NDST4: variants seen among roughly 807,000 people sequenced by gnomAD.
NDST4 encodes N-deacetylase and N-sulfotransferase 4.
Under a neutral mutation model 100.8 loss-of-function variants are expected in NDST4, and 63 were observed. The observed-to-expected ratio is 0.62, with a 90% CI of 0.51 to 0.77. The LOEUF (loss-of-function observed/expected upper bound fraction) is 0.77, where lower values mean the gene tolerates loss of function less well. Ranked by LOEUF, NDST4 falls within the 30% of genes least tolerant of loss-of-function variation. The pLI is 0.00. For missense variants in NDST4, 943 were observed against 1,018.4 expected (o/e 0.93, Z 1.01); for synonymous variants, 377 against 361.8 (o/e 1.04, Z -0.48).
At chr4:115,103,988 T>C (rs1211279535) in intron 1 of NDST4, among the ~76,000 whole-genome samples, 1 of 152,182 alleles carries the variant, frequency 6.6e-6, no homozygotes, top group Non-Finnish European at 1.5e-5. Flanking sequence ...TAGTTACTTA[T>C]GGATCCTTTA....
chr4:115,112,495 A>G (rs1729975117), intron 1 of NDST4, among the ~76,000 whole-genome samples: 1 of 151,964 alleles, frequency 6.6e-6, no homozygotes, highest in Non-Finnish European at 1.5e-5. Flanking sequence ...TGAGTTTGAA[A>G]GAGACATGAT....
chr4:114,948,288 A>T (rs1435494845), intron 4 of NDST4, among the ~76,000 whole-genome samples: 1 of 149,856 alleles, frequency 6.7e-6, no homozygotes. Flanking sequence ...CCACCCCCCA[A>T]ATACAACGTG....
At chr4:114,859,769 C>T (rs1346673301) in intron 7 of NDST4, among the ~76,000 whole-genome samples, 1 of 152,222 alleles carries the variant, frequency 6.6e-6, no homozygotes, top group Non-Finnish European at 1.5e-5. Context: ...AGTTCTCTCC[C>T]TGCAGATCAG....
chr4:114,947,759 T>C (rs1441779605), intron 4 of NDST4, among the ~76,000 whole-genome samples: 1 of 151,828 alleles, frequency 6.6e-6, no homozygotes, highest in Non-Finnish European at 1.5e-5. Context: ...AAGTAACGAC[T>C]ACATGTAAAT....
intron 6 of NDST4, among the ~76,000 whole-genome samples, chr4:114,912,238 G>A (rs1007948618): frequency 1.3e-5 from 2 of 152,094 alleles, no homozygotes; most frequent in African/African-American, 4.8e-5. Flanking sequence ...TTCTTATAAA[G>A]TCTCTGACAC....
chr4:114,959,011 T>C (rs1726201540), intron 4 of NDST4, among the ~76,000 whole-genome samples: 2 of 152,096 alleles, frequency 1.3e-5, no homozygotes, highest in South Asian at 2.1e-4. Context: ...AGTTCAATGT[T>C]CCACAGATCT....
intron 2 of NDST4, among the ~76,000 whole-genome samples, chr4:114,988,423 G>T: frequency 7.2e-6 from 1 of 139,210 alleles, no homozygotes; most frequent in Non-Finnish European, 1.5e-5. Flanking sequence ...GTGCAGTGGC[G>T]CAATCTTGGC....
At chr4:114,898,326 G>A (rs1724761525) in intron 6 of NDST4, among the ~76,000 whole-genome samples, 1 of 151,874 alleles carries the variant, frequency 6.6e-6, no homozygotes, top group African/African-American at 2.4e-5. Context: ...TTTTTTCAAT[G>A]TTTTGCCTTT....
At chr4:115,033,892 G>A (rs1327219724) in intron 2 of NDST4, among the ~76,000 whole-genome samples, 1 of 152,056 alleles carries the variant, frequency 6.6e-6, no homozygotes, top group Non-Finnish European at 1.5e-5. Flanking sequence ...TTACTTAAAA[G>A]TTTTGACAGT....
intron 2 of NDST4, among the ~76,000 whole-genome samples, chr4:115,003,663 T>G (rs2620420): frequency 0.34 from 52,059 of 151,786 alleles, 9,042 homozygotes; most frequent in South Asian, 0.49. Context: ...GTCAGGAGTT[T>G]GAGGCCAGCC....
At chr4:114,863,541 C>T (rs919289277) in intron 7 of NDST4, among the ~76,000 whole-genome samples, 1 of 152,210 alleles carries the variant, frequency 6.6e-6, no homozygotes, top group African/African-American at 2.4e-5. Context: ...AATTAGAAAG[C>T]AATTATTTCC....
chr4:114,996,197 CT>C (rs1386568780), intron 2 of NDST4, among the ~76,000 whole-genome samples: 5 of 152,096 alleles, frequency 3.3e-5, no homozygotes, highest in African/African-American at 1.2e-4. Flanking sequence ...GCAGTTTCCC[CT>C]ATGCCGTTCT....
chr4:115,022,720 T>A (rs1017006139), intron 2 of NDST4, among the ~76,000 whole-genome samples: 1 of 152,082 alleles, frequency 6.6e-6, no homozygotes, highest in African/African-American at 2.4e-5. Flanking sequence ...AGGAACCCAG[T>A]GGGAGGTGAT....
At chr4:115,010,706 A>ATTAAGAAAGAGTTTTT in intron 2 of NDST4, among the ~76,000 whole-genome samples, 1 of 67,174 alleles carries the variant, frequency 1.5e-5, no homozygotes. Flanking sequence ...AAGAATACAT[A>ATTAAGAAAGAGTTTTT]TATGGCTCTT....
At chr4:115,021,096 A>C (rs1727801875) in intron 2 of NDST4, among the ~76,000 whole-genome samples, 1 of 152,216 alleles carries the variant, frequency 6.6e-6, no homozygotes, top group South Asian at 2.1e-4. Flanking sequence ...TTATACAAAA[A>C]AAGATATTGC....
intron 4 of NDST4, among the ~76,000 whole-genome samples, chr4:114,952,585 C>T (rs1328264130): frequency 1.3e-5 from 2 of 152,018 alleles, no homozygotes; most frequent in Non-Finnish European, 2.9e-5. Flanking sequence ...ATATTAATAG[C>T]TAATGAAATA....
intron 6 of NDST4, among the ~76,000 whole-genome samples, chr4:114,906,017 C>T (rs748939007): frequency 1.1e-4 from 16 of 151,796 alleles, no homozygotes; most frequent in Non-Finnish European, 1.8e-4. Flanking sequence ...TTTACATTAA[C>T]GAGGAAGTGG....
At chr4:115,044,265 C>A (rs1728414900) in intron 2 of NDST4, among the ~76,000 whole-genome samples, 1 of 152,008 alleles carries the variant, frequency 6.6e-6, no homozygotes, top group Non-Finnish European at 1.5e-5. Flanking sequence ...ATTACAGTAA[C>A]ATATATCTTT....
At chr4:114,894,970 A>C (rs1035982157) in intron 6 of NDST4, among the ~76,000 whole-genome samples, 1 of 152,058 alleles carries the variant, frequency 6.6e-6, no homozygotes, top group Non-Finnish European at 1.5e-5. Context: ...AATTTTATCA[A>C]AGGCATTTTC....
Sources: allele counts gnomAD v4.1 joint callset (sites outside exome capture counted in the v4.1 genomes callset), GRCh38; gene constraint gnomAD v4.1.1; transcripts MANE v1.5; gene names NCBI Gene and HGNC (gene_info 2026-07-23, HGNC 2026-07-21).